Variants in PRKCQ observed in about 807,000 individuals in gnomAD.
PRKCQ encodes protein kinase C theta, also known as protein kinase C theta type.
Under a neutral mutation model 91.2 loss-of-function variants are expected in PRKCQ, and 41 were observed. The observed-to-expected ratio is 0.45, with a 90% confidence interval of 0.35 to 0.58. The LOEUF is 0.58. Ranked by LOEUF, PRKCQ falls within the 20% of genes least tolerant of loss-of-function variation. The probability of loss-of-function intolerance (pLI) is 0.00; values close to 1 mark genes in which losing one functional copy is unlikely to be tolerated. For synonymous variants in PRKCQ, 307 were observed against 316.9 expected, an observed-to-expected ratio of 0.97 and a Z score of 0.33; for missense variants, 673 against 896.5, an observed-to-expected ratio of 0.75 and a Z score of 3.18.
intron 10 of PRKCQ, among the ~76,000 whole-genome samples, chr10:6,484,694 C>T (rs1034418456): frequency 2.0e-5 from 3 of 152,190 alleles, no homozygotes; most frequent in African/African-American, 4.8e-5. Flanking sequence ...AAACATGGGT[C>T]ATATCCACTC....
At chr10:6,491,936 AACC>A in intron 7 of PRKCQ, 124 bp from the exon 8 acceptor site, 1 of 1,401,366 alleles carries the variant, frequency 7.1e-7, no homozygotes, top group Non-Finnish European at 9.9e-7. Flanking sequence ...GTGCATTTTA[AACC>A]ATCATTGTCA....
chr10:6,553,504 A>ATAAAAT (rs58093492), intron 1 of PRKCQ, among the ~76,000 whole-genome samples: 2 of 145,420 alleles, frequency 1.4e-5, no homozygotes, highest in Non-Finnish European at 3.0e-5. Flanking sequence ...AAAAAAAAAA[A>ATAAAAT]AAAAAAAAAA....
At chr10:6,431,901 T>C (rs1316325434) in intron 16 of PRKCQ, among the ~76,000 whole-genome samples, 2 of 152,240 alleles carry the variant, frequency 1.3e-5, no homozygotes, top group South Asian at 4.1e-4. Context: ...TTCCTTCTCC[T>C]GTTCTTTCTG....
chr10:6,539,840 T>C (rs1839714900), intron 1 of PRKCQ, among the ~76,000 whole-genome samples: 1 of 152,188 alleles, frequency 6.6e-6, no homozygotes, highest in African/African-American at 2.4e-5. Context: ...CAGTTGTGCA[T>C]TTAGCAGTGC....
chr10:6,485,168 C>T lies in PRKCQ; in HGVS notation c.1002G>A (p.Pro334=), dbSNP rs752927770. The T allele has an allele frequency of 1.2e-5, 20 of 1,613,550 alleles. No homozygotes were observed. The highest frequency in any genetic ancestry group is 8.8e-5 in the South Asian group (8 of 91,032). The change falls in exon 10 of 18, where the codon CCG becomes CCA. Residue 334 remains proline, a synonymous_variant. Coordinates refer to ENST00000263125, the MANE Select transcript of PRKCQ (RefSeq NM_006257.5). ...IKNEARPPCL[P]TPGKREPQGI... is the part of the protein sequence containing the mutation. The stretch of plus-strand genomic sequence containing the variant: ...GACAGCTACCTCTTTTTCCCGGTGT[C>T]GGTAAACATGGCGGCCTTGCTTCAT...
upstream of PRKCQ, chr10:6,580,294 G>GA (rs1264434332): frequency 0.014 from 798 of 55,900 alleles, 9 homozygotes; most frequent in African/African-American, 0.03. Context: ...GACTGGCGGG[G>GA]CTGGCGGGGC....
chr10:6,559,367 A>AT (rs1476718098), intron 1 of PRKCQ, among the ~76,000 whole-genome samples: 1 of 151,270 alleles, frequency 6.6e-6, no homozygotes, highest in African/African-American at 2.4e-5. Context: ...CTCCTTTGTA[A>AT]TTTTTTTTCT....
chr10:6,404,833 T>C, the PRKCQ span, among the ~76,000 whole-genome samples: 4 of 135,798 alleles, frequency 2.9e-5, no homozygotes, highest in East Asian at 2.0e-4. Flanking sequence ...CTTTCCTTCT[T>C]TCTTTCTTTC....
chr10:6,478,413 T>C (rs1490748601), intron 12 of PRKCQ, among the ~76,000 whole-genome samples: 1 of 152,200 alleles, frequency 6.6e-6, no homozygotes, highest in Non-Finnish European at 1.5e-5. Context: ...TTTGTTTTTT[T>C]AAGGAAAAAG....
chr10:6,570,266 G>A (rs550229863), intron 1 of PRKCQ, among the ~76,000 whole-genome samples: 4 of 152,172 alleles, frequency 2.6e-5, no homozygotes, highest in Non-Finnish European at 5.9e-5. Flanking sequence ...CATGTGGGGT[G>A]AGGAAGCAAA....
At chr10:6,490,773 GAA>G (rs1309800763) in intron 8 of PRKCQ, among the ~76,000 whole-genome samples, 1 of 151,760 alleles carries the variant, frequency 6.6e-6, no homozygotes, top group African/African-American at 2.4e-5. Flanking sequence ...AAAAGAAGAA[GAA>G]AAAAATCAGA....
At chr10:6,555,431 T>G (rs1422477646) in intron 1 of PRKCQ, among the ~76,000 whole-genome samples, 1 of 152,182 alleles carries the variant, frequency 6.6e-6, no homozygotes, top group Non-Finnish European at 1.5e-5. Flanking sequence ...GAACTTCTAT[T>G]TCAGACAACA....
At chr10:6,437,614 A>G (rs536519895) in intron 16 of PRKCQ, among the ~76,000 whole-genome samples, 1 of 152,306 alleles carries the variant, frequency 6.6e-6, no homozygotes, top group African/African-American at 2.4e-5. Context: ...TATAAAATAA[A>G]AAACTTTATA....
intron 1 of PRKCQ, among the ~76,000 whole-genome samples, chr10:6,551,877 C>T (rs1840198914): frequency 6.6e-6 from 1 of 152,180 alleles, no homozygotes; most frequent in African/African-American, 2.4e-5. Flanking sequence ...CTGTTTTTAG[C>T]TCTTTGAGGA....
At chr10:6,528,377 T>G (rs75975149) in intron 1 of PRKCQ, among the ~76,000 whole-genome samples, 12,951 of 152,182 alleles carry the variant, frequency 0.085, 699 homozygotes, top group Middle Eastern at 0.2. Context: ...GCACTATCCT[T>G]GGCCATGTCA....
In PRKCQ at chr10:6,431,267, G is replaced by T. The variant is rs190350182; in HGVS notation, c.1837-329C>A. Among the ~76,000 whole-genome samples the T allele has an allele frequency of 2.4e-4, 36 of 152,308 alleles. No homozygotes were observed. In the East Asian group the frequency reaches 6.0e-3, roughly 25 times the overall value. On this transcript the variant is annotated intron_variant, in intron 16 of 17. Transcript: ENST00000263125. Reference sequence around the variant, plus strand: ...AAGTAAGCCAAGTGCCCTCCTAACAGGGCTGATGTGACGATTTATAAGACA... The same window carrying T: ...AAGTAAGCCAAGTGCCCTCCTAACATGGCTGATGTGACGATTTATAAGACA...
At chr10:6,461,154 C>T (rs1835325062) in intron 14 of PRKCQ, among the ~76,000 whole-genome samples, 1 of 151,916 alleles carries the variant, frequency 6.6e-6, no homozygotes, top group South Asian at 2.1e-4. Context: ...TCCATCCATT[C>T]AACCATCTGT....
chr10:6,452,281 A>G (rs1834735408), intron 15 of PRKCQ, among the ~76,000 whole-genome samples: 1 of 152,074 alleles, frequency 6.6e-6, no homozygotes, highest in Admixed American at 6.6e-5. Flanking sequence ...AGACACCAAT[A>G]ACAGACAGAG....
intron 1 of PRKCQ, among the ~76,000 whole-genome samples, chr10:6,539,814 G>C (rs1170572338): frequency 6.6e-6 from 1 of 152,132 alleles, no homozygotes; most frequent in Non-Finnish European, 1.5e-5. Flanking sequence ...TCTTTCTTGA[G>C]TATACTGTGA....
Sources: gnomAD v4.1 joint callset for allele counts (sites outside exome capture counted in the v4.1 genomes callset) on GRCh38, gnomAD v4.1.1 for gene constraint, MANE v1.5 for transcripts, NCBI Gene and HGNC (gene_info 2026-07-23, HGNC 2026-07-21) for gene names.